The following DNAH9 variants were observed in gnomAD, a reference collection of about 807,000 sequenced individuals.
DNAH9 encodes DNAH9 variant protein.
Under a neutral mutation model 471.6 loss-of-function variants are expected in DNAH9, and 345 were observed. That is an observed-to-expected ratio of 0.73 (90% confidence interval 0.67 to 0.80). DNAH9 has a LOEUF of 0.80. Among genes scored for constraint, DNAH9 ranks in the 30% least tolerant of loss-of-function variants. The pLI, the probability that DNAH9 is intolerant of heterozygous loss-of-function variation, is 0.00. For missense variants in DNAH9, 5,407 were observed against 5,609.2 expected (o/e 0.96, Z 1.15); for synonymous variants, 2,093 against 2,123.6 (o/e 0.99, Z 0.40).
intron 36 of DNAH9, among the ~76,000 whole-genome samples, chr17:11,766,968 C>CAA (rs57248598): frequency 1.4e-5 from 2 of 139,616 alleles, no homozygotes; most frequent in African/African-American, 5.4e-5. Flanking sequence ...GACTCTGTCT[C>CAA]AAAAAAAAAA....
rs58420771 is a variant in DNAH9 at position 11,893,178 on chromosome 17, CAAA to C, written c.11284-1181_11284-1179del. 1.0e-3 allele frequency among the ~76,000 whole-genome samples: 95 copies of C among 95,184 alleles called. 2 individuals are homozygous for C. Among genetic ancestry groups the C allele is most frequent in the African/African-American group, 3.6e-3 (90 of 25,204 alleles). 62.4% of individuals were successfully genotyped at this position (95,184 alleles called of 152,430 possible). Reference sequence around the variant, plus strand: ...AGCCCAGATGACAGCTTGGCCTTTGCAAAAAAAAAAAAAAAAATGTGGGCCCCA... The same window carrying C: ...AGCCCAGATGACAGCTTGGCCTTTGCAAAAAAAAAAAAAATGTGGGCCCCA... On this transcript the variant is annotated intron_variant, in intron 58 of 68. Transcript: ENST00000262442.
chr17:11,660,952 T>C (rs1244674795), intron 14 of DNAH9, among the ~76,000 whole-genome samples: 1 of 152,206 alleles, frequency 6.6e-6, no homozygotes, highest in East Asian at 1.9e-4. Flanking sequence ...GTTCTATCAA[T>C]TATTGAAGGT....
intron 1 of DNAH9, among the ~76,000 whole-genome samples, chr17:11,601,739 T>C (rs950621824): frequency 2.0e-5 from 3 of 151,986 alleles, no homozygotes; most frequent in African/African-American, 7.3e-5. Context: ...CCCCCTCTCC[T>C]CTCTCTCAGC....
chr17:11,679,511 G>A lies in DNAH9; in HGVS notation c.3354-246G>A, dbSNP rs9903075. 0.016 allele frequency among the ~76,000 whole-genome samples: 2,484 copies of A among 152,198 alleles called. 76 individuals are homozygous for A. Among genetic ancestry groups the A allele is most frequent in the African/African-American group, 0.056 (2,311 of 41,510 alleles). ...AAATCACACATTACATTTAGATGTC[G>A]TGTCTCCTCCTGAGTCTCCTTCATC... On this transcript the variant is annotated intron_variant, in intron 17 of 68. Transcript: ENST00000262442.
At chr17:11,682,021 T>C (rs1389096357) in intron 19 of DNAH9, among the ~76,000 whole-genome samples, 1 of 152,198 alleles carries the variant, frequency 6.6e-6, no homozygotes, top group African/African-American at 2.4e-5. Flanking sequence ...TAGCACTGTG[T>C]CTGGTACTAT....
chr17:11,903,230 T>A (rs1323702767), intron 60 of DNAH9, among the ~76,000 whole-genome samples: 1 of 152,030 alleles, frequency 6.6e-6, no homozygotes, highest in African/African-American at 2.4e-5. Context: ...TCCCAGCTAC[T>A]CTGGAGGCTG....
In DNAH9 at chr17:11,680,894, G is replaced by A. The variant is rs770319227; in HGVS notation, c.3743+5G>A. The A allele has an allele frequency of 5.6e-6, 9 of 1,605,666 alleles. No individual in the cohort carries two copies. The African/African-American group carries it at 1.1e-4, about 19-fold the overall frequency. Reference sequence around the variant, plus strand: ...CCACAAAGAAGCCCCGTTCAGGTATGGGCCGAACACTGCTGCCTCTCTTTC... The same window carrying A: ...CCACAAAGAAGCCCCGTTCAGGTATAGGCCGAACACTGCTGCCTCTCTTTC... On this transcript the variant is annotated splice_donor_5th_base_variant and intron_variant, in intron 19 of 68. Coordinates refer to ENST00000262442, the MANE Select transcript of DNAH9 (RefSeq NM_001372.4).
At chr17:11,749,380 C>A (rs1294214283) in intron 32 of DNAH9, among the ~76,000 whole-genome samples, 1 of 151,986 alleles carries the variant, frequency 6.6e-6, no homozygotes, top group African/African-American at 2.4e-5. Context: ...CACCATGATG[C>A]CAGGCCAAGA....
At chr17:11,833,502 G>C (rs8079172) in intron 48 of DNAH9, among the ~76,000 whole-genome samples, 20,308 of 152,140 alleles carry the variant, frequency 0.13, 1,479 homozygotes, top group African/African-American at 0.19. Context: ...GGGCTCACTG[G>C]AAGTCTGATG....
chr17:11,893,682 A>G (rs775258672), intron 58 of DNAH9, among the ~76,000 whole-genome samples: 10 of 152,020 alleles, frequency 6.6e-5, no homozygotes, highest in Non-Finnish European at 1.2e-4. Context: ...ACATGGACAC[A>G]GGGAATGTCA....
At chr17:11,876,877 C>T (rs1301976493) in intron 53 of DNAH9, among the ~76,000 whole-genome samples, 2 of 152,084 alleles carry the variant, frequency 1.3e-5, no homozygotes, top group African/African-American at 4.8e-5. Context: ...GCGCCCACCA[C>T]CACACCCGGC....
intron 27 of DNAH9, 56 bp from the exon 28 acceptor site, chr17:11,727,762 C>A: frequency 8.4e-7 from 1 of 1,187,660 alleles, no homozygotes; most frequent in Non-Finnish European, 1.3e-6. Flanking sequence ...ATGGCTTCAA[C>A]ATGTATTGAT....
chr17:11,640,231 C>A (rs1309333130), intron 9 of DNAH9, 39 bp from the exon 10 acceptor site: 3 of 1,308,736 alleles, frequency 2.3e-6, no homozygotes, highest in Non-Finnish European at 2.2e-6. Context: ...GACTGAGGTG[C>A]TCTAGACTCA....
At chr17:11,789,666 ATC>A (rs1320661572) in intron 41 of DNAH9, among the ~76,000 whole-genome samples, 2 of 151,844 alleles carry the variant, frequency 1.3e-5, no homozygotes, top group African/African-American at 4.8e-5. Flanking sequence ...TTAATTTGAT[ATC>A]TGTTTTATAT....
At chr17:11,611,244 G>A (rs2072630735) in intron 3 of DNAH9, among the ~76,000 whole-genome samples, 1 of 152,330 alleles carries the variant, frequency 6.6e-6, no homozygotes, top group Non-Finnish European at 1.5e-5. Context: ...CCAGCCTTTT[G>A]TCTGTACCAC....
chr17:11,856,555 A>AAAC (rs1395452919), intron 50 of DNAH9, among the ~76,000 whole-genome samples: 1 of 150,830 alleles, frequency 6.6e-6, no homozygotes, highest in Non-Finnish European at 1.5e-5. Context: ...AAAAAAAAAA[A>AAAC]ATTAGCCGGG....
At chr17:11,860,021 T>A (rs1249800141) in intron 50 of DNAH9, among the ~76,000 whole-genome samples, 5 of 152,228 alleles carry the variant, frequency 3.3e-5, no homozygotes, top group African/African-American at 1.2e-4. Flanking sequence ...TATCATTACT[T>A]TTGCTTTGTA....
intron 68 of DNAH9, among the ~76,000 whole-genome samples, chr17:11,968,587 T>C (rs1357522749): frequency 6.6e-6 from 1 of 152,216 alleles, no homozygotes; most frequent in Non-Finnish European, 1.5e-5. Flanking sequence ...TAGGACTTCT[T>C]GTGTTCAGTG....
At chr17:11,961,301 T>A (rs1211723347) in intron 67 of DNAH9, among the ~76,000 whole-genome samples, 1 of 152,052 alleles carries the variant, frequency 6.6e-6, no homozygotes, top group African/African-American at 2.4e-5. Context: ...GGCAATAGAG[T>A]GAGACTCCGT....
Sources: gnomAD v4.1 joint callset for allele counts (sites outside exome capture counted in the v4.1 genomes callset) on GRCh38, gnomAD v4.1.1 for gene constraint, MANE v1.5 for transcripts, NCBI Gene and HGNC (gene_info 2026-07-23, HGNC 2026-07-21) for gene names.